Variants in USHBP1 observed in about 807,000 individuals in gnomAD.
USHBP1 encodes USH1 protein network component harmonin binding protein 1.
USHBP1 carries 67 observed loss-of-function variants against 76.2 expected under a neutral mutation model. That is an observed-to-expected ratio of 0.88 (90% confidence interval 0.72 to 1.08). The LOEUF is 1.08. USHBP1 is among the 50% of genes least tolerant of loss of function. The probability of loss-of-function intolerance (pLI) is 0.00; values close to 1 mark genes in which losing one functional copy is unlikely to be tolerated. For missense variants in USHBP1, 931 were observed against 915.0 expected, an observed-to-expected ratio of 1.02 and a Z score of -0.23; for synonymous variants, 322 against 362.2, an observed-to-expected ratio of 0.89 and a Z score of 1.26.
At chr19:17,250,622 C>T (rs1347853210) in intron 12 of USHBP1, among the ~76,000 whole-genome samples, 2 of 152,190 alleles carry the variant, frequency 1.3e-5, no homozygotes, top group Non-Finnish European at 2.9e-5. Context: ...AAGATCTCCC[C>T]TCACTACAAC....
chr19:17,252,467 C>CT (rs1263653980), intron 10 of USHBP1, among the ~76,000 whole-genome samples: 1 of 152,074 alleles, frequency 6.6e-6, no homozygotes, highest in Non-Finnish European at 1.5e-5. Flanking sequence ...TAGCTCATGC[C>CT]TGTAATCCCA....
At chr19:17,261,492 C>T (rs535507502) in intron 4 of USHBP1, among the ~76,000 whole-genome samples, 62 of 151,550 alleles carry the variant, frequency 4.1e-4, no homozygotes, top group African/African-American at 1.3e-3. Context: ...CCCGCCACCA[C>T]GCCGGCTAAT....
At position 17,264,354 on chromosome 19, in the gene USHBP1, C is replaced by T; in HGVS notation, c.-48-7G>A. The T allele has an allele frequency of 6.5e-7, 1 of 1,539,252 alleles. No individual in the cohort carries two copies. The highest frequency in any genetic ancestry group is 8.8e-7 in the Non-Finnish European group (1 of 1,141,360). ...GCTTCTCCTTCGTCAACCCCTAAAA[C>T]CACAGCCTGCCATGAGCTCTTGCCT... On this transcript the variant is annotated splice_region_variant and splice_polypyrimidine_tract_variant and intron_variant, in intron 1 of 12. Coordinates refer to ENST00000252597, the MANE Select transcript of USHBP1 (RefSeq NM_031941.4).
At position 17,256,585 on chromosome 19, in the gene USHBP1, C is replaced by T; in HGVS notation, c.1356G>A (p.Met452Ile). The T allele has an allele frequency of 6.2e-7, 1 of 1,614,170 alleles. No individual in the cohort carries two copies. The highest frequency in any genetic ancestry group is 8.5e-7 in the Non-Finnish European group (1 of 1,180,020). ...TGGCTTCTGCACGGGGCACAGTGGGCATGGGTGCCAAGGTGGGGCCAGGCT... is the reference window on the plus strand; with the variant it reads ...TGGCTTCTGCACGGGGCACAGTGGGTATGGGTGCCAAGGTGGGGCCAGGCT... Reference protein sequence around the residue: ...LSEPGPTLAPMPTVPRAEAMV... With the variant: ...LSEPGPTLAPIPTVPRAEAMV... The change falls in exon 9 of 13, where the codon ATG becomes ATA. Residue 452 changes from methionine to isoleucine, a missense_variant. Coordinates refer to ENST00000252597, the MANE Select transcript of USHBP1 (RefSeq NM_031941.4).
intron 4 of USHBP1, among the ~76,000 whole-genome samples, chr19:17,261,538 G>A (rs1299926598): frequency 2.0e-5 from 3 of 151,356 alleles, no homozygotes; most frequent in African/African-American, 7.3e-5. Flanking sequence ...TTTTCACCGT[G>A]TTAGCCAGGA....
chr19:17,262,683 G>A lies in USHBP1; in HGVS notation c.511C>T (p.Arg171Ter), dbSNP rs939151813. The A allele has an allele frequency of 5.0e-6, 8 of 1,613,966 alleles. No individual in the cohort carries two copies. The highest frequency in any genetic ancestry group is 1.1e-5 in the South Asian group (1 of 91,082). The change falls in exon 4 of 13, where the codon CGA (arginine) becomes TGA (stop). Residue 171 changes from arginine to a stop codon, truncating the protein, a stop_gained. Transcript: ENST00000252597. LOFTEE classifies it high-confidence loss of function. ...GKQEGAGSCQ[R>*]EAARLAERNA... ...CTCTCGGCCAGGCGAGCTGCCTCTC[G>A]CTGGCAGCTCCCTGCCCCTTCCTGC...
chr19:17,259,803 C>A, intron 5 of USHBP1, 71 bp from the exon 6 acceptor site: 1 of 1,582,190 alleles, frequency 6.3e-7, no homozygotes, highest in East Asian at 2.2e-5. Flanking sequence ...ATTTTGCAAC[C>A]CCAAAGCTGT....
chr19:17,252,722 G>A (rs890309932), intron 10 of USHBP1, among the ~76,000 whole-genome samples: 6 of 150,600 alleles, frequency 4.0e-5, no homozygotes, highest in Non-Finnish European at 7.4e-5. Context: ...GTAAGATACG[G>A]TCTCAAAAAA....
In USHBP1 at chr19:17,258,193, C is replaced by T. The variant is rs1381314991; in HGVS notation, c.1220+19G>A. On this transcript the variant is annotated intron_variant, in intron 8 of 12. Transcript: ENST00000252597. ...CCCACTCCTCAACCAGGCCAGTTCC[C>T]AGGGTTCCAGGGGGGTACCTTGGCT... The T allele has an allele frequency of 5.0e-6, 8 of 1,612,658 alleles. No homozygotes were observed. In the African/African-American group the frequency reaches 8.0e-5, roughly 16 times the overall value.
chr19:17,256,133 C>T (rs538459935), intron 9 of USHBP1, among the ~76,000 whole-genome samples: 2 of 152,158 alleles, frequency 1.3e-5, no homozygotes, highest in African/African-American at 4.8e-5. Flanking sequence ...AAGTAGCTTA[C>T]ATAGGTCAAG....
rs773427951 is a variant in USHBP1 at position 17,262,604 on chromosome 19, G to T, written c.590C>A (p.Thr197Lys). ...LSSREDELVR[T>K]QASLEAIRAE... ...TCGGATGGCCTCCAGGGAGGCCTGC[G>T]TGCGGACCAGCTCATCCTCTCGGCT... Residue 197 changes from threonine to lysine, a missense_variant, in exon 4 of 13, where the codon ACG (threonine) becomes AAG (lysine). Thr to Lys is a moderately conservative substitution (Grantham distance 78). Coordinates refer to ENST00000252597, the MANE Select transcript of USHBP1 (RefSeq NM_031941.4). 6.2e-7 allele frequency: 1 copy of T among 1,613,504 alleles called. No individual in the cohort carries two copies. Among genetic ancestry groups the T allele is most frequent in the Non-Finnish European group, 8.5e-7 (1 of 1,179,944 alleles).
chr19:17,262,620 C>T lies in USHBP1; in HGVS notation c.574G>A (p.Asp192Asn), dbSNP rs762798138. The T allele has an allele frequency of 1.9e-6, 3 of 1,613,916 alleles. No homozygotes were observed. Among genetic ancestry groups the T allele is most frequent in the Non-Finnish European group, 2.5e-6 (3 of 1,180,010 alleles). Reference sequence around the variant, plus strand: ...GAGGCCTGCGTGCGGACCAGCTCATCCTCTCGGCTACTCAGGGCCAGCCGG... The same window carrying T: ...GAGGCCTGCGTGCGGACCAGCTCATTCTCTCGGCTACTCAGGGCCAGCCGG... ...WLRLALSSRE[D>N]ELVRTQASLE... The change falls in exon 4 of 13, where the codon GAT (aspartate) becomes AAT (asparagine). Residue 192 changes from aspartate (D) to asparagine (N), a missense_variant. Asp to Asn is a conservative substitution (Grantham distance 23). Coordinates refer to ENST00000252597, the MANE Select transcript of USHBP1 (RefSeq NM_031941.4).
chr19:17,259,571 T>C lies in USHBP1; in HGVS notation c.905+25A>G, dbSNP rs767843733. 2.5e-6 allele frequency: 4 copies of C among 1,604,682 alleles called. No homozygotes were observed. In the African/African-American group the frequency reaches 4.0e-5, roughly 16 times the overall value. ...GTTGGAGGAGGTGCCTGTGCCCTTA[T>C]GAGCTCAGCATTTGAGTCTCTTACC... is the stretch of plus-strand genomic sequence containing the variant. On this transcript the variant is annotated intron_variant, in intron 6 of 12. Coordinates refer to ENST00000252597, the MANE Select transcript of USHBP1 (RefSeq NM_031941.4).
At position 17,255,396 on chromosome 19, in the gene USHBP1, C is replaced by T. The variant is rs1027556121; in HGVS notation, c.1681G>A (p.Glu561Lys). ...GCAGGGCAGCTCACCTGATACCACT[C>T]TTCCTCGTCCCCGCTGCTGCCACCT... ...SGGGSSGDEE[E>K]WYQGLPAVPG... Residue 561 changes from glutamate (E) to lysine (K), a missense_variant, in exon 10 of 13, where the codon GAG (glutamate) becomes AAG (lysine). By Grantham distance (56) the Glu-to-Lys change is moderately conservative (BLOSUM62 1). Transcript: ENST00000252597. 1.2e-6 allele frequency: 2 copies of T among 1,613,944 alleles called. No individual in the cohort carries two copies. Among genetic ancestry groups the T allele is most frequent in the African/African-American group, 2.7e-5 (2 of 75,060 alleles).
chr19:17,259,466 C>A (rs746859238), intron 6 of USHBP1, 37 bp from the exon 7 acceptor site: 7 of 1,611,576 alleles, frequency 4.3e-6, no homozygotes, highest in Non-Finnish European at 3.4e-6. Flanking sequence ...AAGTCAGAGG[C>A]CTTCTAAGGC....
chr19:17,262,962 C>G lies in USHBP1; in HGVS notation c.232G>C (p.Gly78Arg), dbSNP rs1308337186. The G allele has an allele frequency of 6.6e-7, 1 of 1,524,092 alleles. No homozygotes were observed. Among genetic ancestry groups the G allele is most frequent in the African/African-American group, 1.4e-5 (1 of 71,980 alleles). 94.4% of individuals were successfully genotyped at this position (1,524,092 alleles called of 1,614,324 possible). Residue 78 changes from glycine (G) to arginine (R), a missense_variant, in exon 4 of 13, where the codon GGC (glycine) becomes CGC (arginine). Gly to Arg is a moderately radical substitution (Grantham distance 125). Coordinates refer to ENST00000252597, the MANE Select transcript of USHBP1 (RefSeq NM_031941.4). ...TCGGGGGCTGAGGCCAGTTCCCTGCCAGAGCCCCCATCCATCTTCTTGTCA... is the reference window on the plus strand; with the variant it reads ...TCGGGGGCTGAGGCCAGTTCCCTGCGAGAGCCCCCATCCATCTTCTTGTCA... Reference protein sequence around the residue: ...RTDKKMDGGSGRELASAPEVP... With the variant: ...RTDKKMDGGSRRELASAPEVP...
chr19:17,256,532 G>A lies in USHBP1; in HGVS notation c.1409C>T (p.Ala470Val). 6.2e-7 allele frequency: 1 copy of A among 1,614,076 alleles called. No individual in the cohort carries two copies. ...AMVQAILGTQ[A>V]GPALPRLEKT... Reference sequence around the variant, plus strand: ...CTCCAGTCGGGGAAGAGCTGGGCCAGCCTGGGTCCCCAGAATGGCCTGCAC... The same window carrying A: ...CTCCAGTCGGGGAAGAGCTGGGCCAACCTGGGTCCCCAGAATGGCCTGCAC... Residue 470 changes from alanine (A) to valine (V), a missense_variant, in exon 9 of 13, where the codon GCT becomes GTT. Coordinates refer to ENST00000252597, the MANE Select transcript of USHBP1 (RefSeq NM_031941.4).
At chr19:17,252,115 T>G (rs1044181741) in intron 10 of USHBP1, 98 bp from the exon 11 acceptor site, 1 of 1,126,116 alleles carries the variant, frequency 8.9e-7, no homozygotes, top group Non-Finnish European at 1.3e-6. Context: ...TGGCAGCTGC[T>G]GTGCTCTCAG....
intron 4 of USHBP1, among the ~76,000 whole-genome samples, chr19:17,261,382 C>T (rs913586294): frequency 1.4e-5 from 2 of 145,920 alleles, no homozygotes; most frequent in Admixed American, 1.4e-4. Context: ...GTCGCCCAGG[C>T]TGGAGTGCAA....
Sources: allele counts gnomAD v4.1 joint callset (sites outside exome capture counted in the v4.1 genomes callset), GRCh38; gene constraint gnomAD v4.1.1; transcripts MANE v1.5; gene names NCBI Gene and HGNC (gene_info 2026-07-23, HGNC 2026-07-21).